Variants in POU6F2 observed in about 807,000 individuals in gnomAD.
POU6F2 encodes POU domain, class 6, transcription factor 2.
POU6F2 carries 31 observed loss-of-function variants against 71.3 expected under a neutral mutation model. The ratio of observed to expected loss-of-function variants is 0.43; its 90% CI spans 0.33 to 0.59. POU6F2 has a LOEUF of 0.59. Among genes scored for constraint, POU6F2 ranks in the 20% least tolerant of loss-of-function variants. The pLI is 0.04. For missense variants in POU6F2, 783 were observed against 856.8 expected, an observed-to-expected ratio of 0.91 and a Z score of 1.07; for synonymous variants, 347 against 355.7, an observed-to-expected ratio of 0.98 and a Z score of 0.27.
chr7:39,420,476 T>C (rs1787826568), intron 6 of POU6F2, among the ~76,000 whole-genome samples: 1 of 152,168 alleles, frequency 6.6e-6, no homozygotes, highest in African/African-American at 2.4e-5. Flanking sequence ...GATAAGGCAG[T>C]AGAAATGGGA....
chr7:39,340,383 C>CATGG, intron 5 of POU6F2, among the ~76,000 whole-genome samples: 1 of 152,328 alleles, frequency 6.6e-6, no homozygotes, highest in East Asian at 1.9e-4. Context: ...TTTGTAGCCC[C>CATGG]ATGGAGAACT....
chr7:39,119,218 C>A (rs1355917756), intron 2 of POU6F2, among the ~76,000 whole-genome samples: 1 of 152,102 alleles, frequency 6.6e-6, no homozygotes. Flanking sequence ...TGGGATGCCC[C>A]TGGGAAAAGG....
intron 7 of POU6F2, among the ~76,000 whole-genome samples, chr7:39,448,940 A>G (rs1232910033): frequency 6.6e-6 from 1 of 152,240 alleles, no homozygotes; most frequent in Non-Finnish European, 1.5e-5. Context: ...AATCTTTAAT[A>G]TGTGTCCCTA....
At chr7:39,141,443 A>T (rs1422457824) in intron 2 of POU6F2, among the ~76,000 whole-genome samples, 1 of 152,178 alleles carries the variant, frequency 6.6e-6, no homozygotes, top group Non-Finnish European at 1.5e-5. Context: ...ACTCAGTTTG[A>T]TGAGGAAAGA....
chr7:39,288,611 C>T (rs1454756265), intron 4 of POU6F2, among the ~76,000 whole-genome samples: 1 of 152,222 alleles, frequency 6.6e-6, no homozygotes, highest in Non-Finnish European at 1.5e-5. Flanking sequence ...ATCTGTCCTA[C>T]AGTGCCCATA....
chr7:39,034,595 G>A, intron 1 of POU6F2: 2 of 276,500 alleles, frequency 7.2e-6, no homozygotes, highest in South Asian at 6.2e-5. Context: ...GGGAATCGAT[G>A]GACCAAAATG....
intron 2 of POU6F2, among the ~76,000 whole-genome samples, chr7:39,156,715 A>C (rs374470891): frequency 2.0e-5 from 3 of 152,218 alleles, no homozygotes; most frequent in African/African-American, 7.2e-5. Flanking sequence ...TAGAGAAGTT[A>C]AACGACTCAA....
intron 4 of POU6F2, among the ~76,000 whole-genome samples, chr7:39,327,943 CAG>C (rs1396656680): frequency 6.6e-6 from 1 of 151,442 alleles, no homozygotes; most frequent in Non-Finnish European, 1.5e-5. Context: ...TTTTTTGAGA[CAG>C]AGTCTTGCTC....
At chr7:39,114,103 A>C (rs1213080360) in intron 2 of POU6F2, among the ~76,000 whole-genome samples, 1 of 152,228 alleles carries the variant, frequency 6.6e-6, no homozygotes, top group Non-Finnish European at 1.5e-5. Context: ...ACCTATAGGT[A>C]AACATCCTGA....
chr7:39,321,286 G>A (rs187397081), intron 4 of POU6F2, among the ~76,000 whole-genome samples: 10 of 152,240 alleles, frequency 6.6e-5, no homozygotes, highest in South Asian at 2.1e-4. Flanking sequence ...AAATGGGAGC[G>A]GAAGAGGCTG....
intron 2 of POU6F2, among the ~76,000 whole-genome samples, chr7:39,177,515 C>T (rs2128740532): frequency 6.6e-6 from 1 of 152,348 alleles, no homozygotes; most frequent in African/African-American, 2.4e-5. Context: ...AAAATGCCTT[C>T]TGAGATGTAA....
Position 39,131,059 on chromosome 7 carries a change from G to A in POU6F2, c.277+45028G>A, listed in dbSNP as rs559943884. ...GAAGTGTGTATAAAGGCTGTAATGA[G>A]TAGCATTTACATGTATTGATTAGAA... On this transcript the variant is annotated intron_variant, in intron 2 of 9. Transcript: ENST00000518318. 5.6e-4 allele frequency among the ~76,000 whole-genome samples: 86 copies of A among 152,290 alleles called. No homozygotes were observed. The Middle Eastern group carries it at 0.01, about 18-fold the overall frequency.
At chr7:39,102,926 G>A (rs768700185) in intron 2 of POU6F2, among the ~76,000 whole-genome samples, 3 of 152,114 alleles carry the variant, frequency 2.0e-5, no homozygotes, top group South Asian at 2.1e-4. Flanking sequence ...CATAGAAAAC[G>A]TACAATACAA....
intron 4 of POU6F2, among the ~76,000 whole-genome samples, chr7:39,311,855 GA>G (rs564059769): frequency 7.4e-4 from 112 of 152,018 alleles, no homozygotes; most frequent in Non-Finnish European, 1.4e-3. Flanking sequence ...GAATGAAAGA[GA>G]ACATAAAATT....
intron 4 of POU6F2, among the ~76,000 whole-genome samples, chr7:39,273,146 A>G (rs967624880): frequency 7.9e-5 from 12 of 151,604 alleles, no homozygotes; most frequent in Admixed American, 3.3e-4. Flanking sequence ...TTCAAATAAC[A>G]TATAGAGATA....
intron 6 of POU6F2, among the ~76,000 whole-genome samples, chr7:39,424,707 G>C (rs555034272): frequency 6.6e-6 from 1 of 151,770 alleles, no homozygotes; most frequent in South Asian, 2.1e-4. Context: ...CCTAAAGCTC[G>C]AGTGGAAACC....
At chr7:39,113,542 CAG>C (rs2128726090) in intron 2 of POU6F2, among the ~76,000 whole-genome samples, 1 of 152,258 alleles carries the variant, frequency 6.6e-6, no homozygotes, top group South Asian at 2.1e-4. Context: ...CTAAAACAAA[CAG>C]AGATAAAATC....
chr7:39,404,754 G>A (rs1287033926), intron 5 of POU6F2: 1 of 151,944 alleles, frequency 6.6e-6, no homozygotes, highest in Non-Finnish European at 1.5e-5. Context: ...CCGGCAGTTC[G>A]GAGACAGTAT....
At chr7:39,388,146 G>A (rs933152527) in intron 5 of POU6F2, among the ~76,000 whole-genome samples, 3 of 152,276 alleles carry the variant, frequency 2.0e-5, no homozygotes, top group African/African-American at 7.2e-5. Flanking sequence ...CTGTTTTCAT[G>A]GCCCAGTGTT....
Sources: allele counts gnomAD v4.1 joint callset (sites outside exome capture counted in the v4.1 genomes callset), GRCh38; gene constraint gnomAD v4.1.1; transcripts MANE v1.5; gene names NCBI Gene and HGNC (gene_info 2026-07-23, HGNC 2026-07-21).